Variants in ZIM2 observed in about 807,000 individuals in gnomAD.
ZIM2 encodes the protein zinc finger protein 656.
ZIM2 carries 14 observed loss-of-function variants against 38.6 expected under a neutral mutation model. That is an observed-to-expected ratio of 0.36 (90% confidence interval 0.24 to 0.57). ZIM2 has a LOEUF of 0.57. Ranked by LOEUF, ZIM2 falls within the 20% of genes least tolerant of loss-of-function variation. The pLI, the probability that ZIM2 is intolerant of heterozygous loss-of-function variation, is 0.81. For missense variants in ZIM2, 680 were observed against 695.1 expected (o/e 0.98, Z 0.24); for synonymous variants, 247 against 245.8 (o/e 1.00, Z -0.04).
At chr19:56,796,753 G>T (rs529584610) in intron 9 of ZIM2, among the ~76,000 whole-genome samples, 20 of 152,336 alleles carry the variant, frequency 1.3e-4, no homozygotes, top group African/African-American at 4.3e-4. Flanking sequence ...AAAGGGTCTT[G>T]ATCCAAACCC....
rs7254585 is a variant in ZIM2, at chr19:56,790,219, G to A, written c.491-268C>T. ...AAGTTCCCTCCATATCAGTCATTTC[G>A]GGCCTCACTGTCCAGTCAAGATCAC... On this transcript the variant is annotated intron_variant, in intron 9 of 12. Coordinates refer to ENST00000629319, the MANE Select transcript of ZIM2 (RefSeq NM_001387356.1). 1,112 of 343,484 alleles carry A rather than the reference G, an allele frequency of 3.2e-3. 8 individuals are homozygous for A. Among genetic ancestry groups the A allele is most frequent in the African/African-American group, 0.021 (1,000 of 47,806 alleles). 21.3% of individuals were successfully genotyped at this position (343,484 alleles called of 1,614,324 possible). A position where few individuals can be genotyped will look rare whatever the true frequency, so the allele number is the denominator to read the frequency against.
chr19:56,816,964 C>G lies in ZIM2; in HGVS notation c.490+782G>C, dbSNP rs769798247. ...TCCAACCTGACTTTTCTGAACTTCA[C>G]TGACAGCCACACTGTGGATAAAGGA... On this transcript the variant is annotated intron_variant, in intron 9 of 12. Coordinates refer to ENST00000629319, the MANE Select transcript of ZIM2 (RefSeq NM_001387356.1). 2.5e-6 allele frequency: 4 copies of G among 1,614,198 alleles called. No individual in the cohort carries two copies. In the South Asian group the frequency reaches 4.4e-5, roughly 18 times the overall value.
At chr19:56,775,554 C>A (rs773523140) in intron 12 of ZIM2, 25 bp from the exon 13 acceptor site, 1 of 1,569,800 alleles carries the variant, frequency 6.4e-7, no homozygotes, top group African/African-American at 1.4e-5. Context: ...CCAGAAGTTA[C>A]CTACCGCCCA....
chr19:56,800,082 A>G (rs779479161), intron 9 of ZIM2, among the ~76,000 whole-genome samples: 2 of 152,154 alleles, frequency 1.3e-5, no homozygotes, highest in Non-Finnish European at 2.9e-5. Flanking sequence ...GATTGACAAT[A>G]TTGTTTTGTA....
rs1600981448 is a variant in ZIM2 at position 56,818,661 on chromosome 19, G to C, written c.336C>G (p.Asp112Glu). 1.2e-6 allele frequency: 2 copies of C among 1,614,158 alleles called. No individual in the cohort carries two copies. The highest frequency in any genetic ancestry group is 4.5e-5 in the East Asian group (2 of 44,870). Residue 112 changes from aspartate (D) to glutamate (E), a missense_variant, in exon 8 of 13, where the codon GAC becomes GAG. Asp to Glu is a conservative substitution (Grantham distance 45). Transcript: ENST00000629319. Reference sequence around the variant, plus strand: ...CCTGGATTGTGTTGTGAGGTTTCCTGTCCTCAGCGAGGTCCACCACATTTT... The same window carrying C: ...CCTGGATTGTGTTGTGAGGTTTCCTCTCCTCAGCGAGGTCCACCACATTTT... Reference protein sequence around the residue: ...SYQNVVDLAEDRKPHNTIQDN... With the variant: ...SYQNVVDLAEERKPHNTIQDN...
chr19:56,785,332 G>A (rs1189839130), intron 10 of ZIM2, among the ~76,000 whole-genome samples: 1 of 152,066 alleles, frequency 6.6e-6, no homozygotes, highest in Non-Finnish European at 1.5e-5. Flanking sequence ...CTACTCTCAG[G>A]AGCAGATATT....
In ZIM2 at chr19:56,774,837, A is replaced by C; in HGVS notation, c.1528T>G (p.Ser510Ala). The C allele has an allele frequency of 6.2e-7, 1 of 1,614,140 alleles. No homozygotes were observed. The highest frequency in any genetic ancestry group is 8.5e-7 in the Non-Finnish European group (1 of 1,180,028). ...GTTCTATAATGCTGAATGAGATATGAATTCCGACTGAAGACTCTGCCACAG... is the reference window on the plus strand; with the variant it reads ...GTTCTATAATGCTGAATGAGATATGCATTCCGACTGAAGACTCTGCCACAG... Reference protein sequence around the residue: ...CDCGRVFSRNSYLIQHYRTHT... With the variant: ...CDCGRVFSRNAYLIQHYRTHT... The change falls in exon 13 of 13, where the codon TCA (serine) becomes GCA (alanine). Residue 510 changes from serine to alanine, a missense_variant. Physicochemically the swap from Ser to Ala is moderately conservative, Grantham distance 99. Transcript: ENST00000629319.
chr19:56,814,188 T>G lies in ZIM2; in HGVS notation c.490+3558A>C. On this transcript the variant is annotated intron_variant, in intron 9 of 12. Transcript: ENST00000629319. This position sits in a 1 kb window ranked among gnomAD's most constrained non-coding sequence, Gnocchi z 5.8. ...CATCTGGCCCTTCAGCCTCTCCGTT[T>G]GGCTCAGCAGCCTCCACTTCTGGCT... 1.9e-6 allele frequency: 3 copies of G among 1,611,814 alleles called. No homozygotes were observed. Among genetic ancestry groups the G allele is most frequent in the Non-Finnish European group, 2.5e-6 (3 of 1,178,380 alleles).
intron 9 of ZIM2, among the ~76,000 whole-genome samples, chr19:56,801,907 A>C (rs1467408601): frequency 6.6e-6 from 1 of 152,236 alleles, no homozygotes; most frequent in African/African-American, 2.4e-5. Context: ...GTTGCCCTCA[A>C]GTGCCAGCTG....
chr19:56,818,580 TGAGA>T lies in ZIM2; in HGVS notation c.397+16_397+19del. The T allele has an allele frequency of 6.2e-7, 1 of 1,613,768 alleles. No individual in the cohort carries two copies. Among genetic ancestry groups the T allele is most frequent in the Admixed American group, 1.7e-5 (1 of 60,012 alleles). On this transcript the variant is annotated intron_variant, in intron 8 of 12. Coordinates refer to ENST00000629319, the MANE Select transcript of ZIM2 (RefSeq NM_001387356.1). Reference sequence around the variant, plus strand: ...CTCCAATGACTGGACTGGGAGTGACTGAGAGAAGCAGCTGCTTACCGAGGGAGAG... The same window carrying T: ...CTCCAATGACTGGACTGGGAGTGACTGAAGCAGCTGCTTACCGAGGGAGAG...
At chr19:56,812,398 G>A in intron 9 of ZIM2, 2 of 984,698 alleles carry the variant, frequency 2.0e-6, no homozygotes, top group Non-Finnish European at 2.4e-6. Flanking sequence ...TCCATGTTAA[G>A]CTTGGGTTGA....
chr19:56,817,010 T>C, intron 9 of ZIM2: 14 of 1,613,898 alleles, frequency 8.7e-6, no homozygotes, highest in Non-Finnish European at 1.2e-5. Flanking sequence ...TCATAGAGGT[T>C]CTCTCTAGTA....
At chr19:56,824,603 G>A in intron 3 of ZIM2, 176 bp from the exon 4 acceptor site, 1 of 1,612,848 alleles carries the variant, frequency 6.2e-7, no homozygotes, top group Non-Finnish European at 8.5e-7. Flanking sequence ...ATACAGATTT[G>A]GGGCCCAGGA....
intron 9 of ZIM2, chr19:56,815,139 G>T: frequency 6.2e-7 from 1 of 1,613,936 alleles, no homozygotes; most frequent in South Asian, 1.1e-5. Context: ...TGTCATCAGG[G>T]TCATCCTTCT....
At chr19:56,819,473 T>C (rs1350242781) in intron 7 of ZIM2, among the ~76,000 whole-genome samples, 1 of 152,180 alleles carries the variant, frequency 6.6e-6, no homozygotes, top group Non-Finnish European at 1.5e-5. Flanking sequence ...GAGGGCTGAC[T>C]AGAACTGGTT....
intron 12 of ZIM2, among the ~76,000 whole-genome samples, chr19:56,777,519 T>C (rs1225814559): frequency 3.3e-5 from 5 of 152,156 alleles, no homozygotes; most frequent in Admixed American, 1.3e-4. Context: ...CCGTTCTCCA[T>C]AGGACAGCCA....
chr19:56,785,024 ATTG>A (rs978075062), intron 10 of ZIM2, among the ~76,000 whole-genome samples: 1 of 152,114 alleles, frequency 6.6e-6, no homozygotes. Context: ...ACGTGGTCCT[ATTG>A]TTTTTTAAAA....
chr19:56,834,331 C>G (rs1289624635), intron 2 of ZIM2, among the ~76,000 whole-genome samples: 1 of 152,148 alleles, frequency 6.6e-6, no homozygotes, highest in Non-Finnish European at 1.5e-5. Context: ...AAGGGTTTCA[C>G]TGTGACAACA....
At position 56,824,436 on chromosome 19, in the gene ZIM2, A is replaced by C; in HGVS notation, c.-150-9T>G. On this transcript the variant is annotated splice_polypyrimidine_tract_variant and intron_variant, in intron 3 of 12. Transcript: ENST00000629319. Reference sequence around the variant, plus strand: ...TTGGTGCGGGTCTCCGGCTGCAACCAATCGAGGCAGAGGTTTCGGAGTTTG... The same window carrying C: ...TTGGTGCGGGTCTCCGGCTGCAACCCATCGAGGCAGAGGTTTCGGAGTTTG... The C allele has an allele frequency of 6.2e-7, 1 of 1,614,138 alleles. No individual in the cohort carries two copies. The highest frequency in any genetic ancestry group is 2.2e-5 in the East Asian group (1 of 44,860).
Sources: gnomAD v4.1 joint callset for allele counts (sites outside exome capture counted in the v4.1 genomes callset) on GRCh38, gnomAD v4.1.1 for gene constraint, Gnocchi (gnomAD v3.1) non-coding constraint, MANE v1.5 for transcripts, NCBI Gene and HGNC (gene_info 2026-07-23, HGNC 2026-07-21) for gene names.